FOCAD: variants seen among roughly 807,000 people sequenced by gnomAD.
FOCAD encodes focadhesin.
Under a neutral mutation model 225.6 loss-of-function variants are expected in FOCAD, and 198 were observed. That is an observed-to-expected ratio of 0.88 (90% confidence interval 0.78 to 0.99). The LOEUF is 0.99. FOCAD is among the 50% of genes least tolerant of loss of function. The probability of loss-of-function intolerance (pLI) is 0.00; values close to 1 mark genes in which losing one functional copy is unlikely to be tolerated. For synonymous variants in FOCAD, 897 were observed against 755.0 expected (o/e 1.19, Z -3.08); for missense variants, 2,713 against 2,123.6 (o/e 1.28, Z -5.46).
chr9:20,765,117 A>T, intron 7 of FOCAD, 44 bp downstream of exon 7: 1 of 1,531,952 alleles, frequency 6.5e-7, no homozygotes, highest in East Asian at 2.3e-5. Context: ...CAGCATCAGT[A>T]AGTGTTGTTA....
At chr9:20,930,858 G>A (rs1835399992) in intron 27 of FOCAD, among the ~76,000 whole-genome samples, 1 of 152,186 alleles carries the variant, frequency 6.6e-6, no homozygotes, top group Non-Finnish European at 1.5e-5. Flanking sequence ...CATATCTTGT[G>A]TGTGTGACAG....
intron 2 of FOCAD, among the ~76,000 whole-genome samples, chr9:20,667,021 C>T (rs1320678737): frequency 1.3e-5 from 2 of 152,062 alleles, no homozygotes; most frequent in African/African-American, 2.4e-5. Context: ...AGGAAAAAAG[C>T]GATTGATTTA....
intron 11 of FOCAD, among the ~76,000 whole-genome samples, chr9:20,801,211 C>G (rs1173652467): frequency 3.3e-5 from 5 of 152,004 alleles, no homozygotes; most frequent in Admixed American, 6.6e-5. Context: ...ATATATTCAT[C>G]TAAGCTAGAT....
intron 25 of FOCAD, among the ~76,000 whole-genome samples, chr9:20,925,768 A>G (rs1388058510): frequency 6.6e-6 from 1 of 152,094 alleles, no homozygotes; most frequent in Non-Finnish European, 1.5e-5. Context: ...TTCAAACTGA[A>G]GATGATTCAT....
chr9:20,985,499 C>T (rs1461996214), intron 39 of FOCAD, among the ~76,000 whole-genome samples: 1 of 152,184 alleles, frequency 6.6e-6, no homozygotes, highest in African/African-American at 2.4e-5. Context: ...TCATTTCCTT[C>T]AGTTTCAAGA....
upstream of FOCAD, among the ~76,000 whole-genome samples, chr9:20,683,130 C>A (rs901020951): frequency 6.6e-6 from 1 of 152,056 alleles, no homozygotes; most frequent in African/African-American, 2.4e-5. Flanking sequence ...AAACTGTTAA[C>A]GGTCTGTGAT....
At chr9:20,941,485 C>T (rs1191000141) in intron 28 of FOCAD, among the ~76,000 whole-genome samples, 1 of 152,128 alleles carries the variant, frequency 6.6e-6, no homozygotes, top group African/African-American at 2.4e-5. Flanking sequence ...GGATTGCCTA[C>T]AGTAAACTAG....
At position 20,740,358 on chromosome 9, in the gene FOCAD, T is replaced by A; in HGVS notation, c.392+18T>A. 7.4e-7 allele frequency: 1 copy of A among 1,351,190 alleles called. No individual in the cohort carries two copies. 83.7% of individuals were successfully genotyped at this position (1,351,190 alleles called of 1,614,324 possible). On this transcript the variant is annotated intron_variant, in intron 5 of 43. Transcript: ENST00000338382. ...ACCATTAGGTAAGCCTTTTTTCTGT[T>A]TTTTTTTTAAACAAATATGAATTTT...
intron 4 of FOCAD, among the ~76,000 whole-genome samples, chr9:20,732,296 G>A (rs781143843): frequency 1.2e-4 from 18 of 152,222 alleles, no homozygotes; most frequent in Non-Finnish European, 7.3e-5. Flanking sequence ...CTTAGTCATG[G>A]TGGTAAAAGC....
intron 21 of FOCAD, among the ~76,000 whole-genome samples, chr9:20,886,045 T>C (rs956468364): frequency 6.6e-6 from 1 of 152,228 alleles, no homozygotes; most frequent in African/African-American, 2.4e-5. Flanking sequence ...TTTATACATT[T>C]GGTTGTAATT....
chr9:20,850,689 A>G (rs1827558589), intron 15 of FOCAD, among the ~76,000 whole-genome samples: 1 of 151,662 alleles, frequency 6.6e-6, no homozygotes, highest in Non-Finnish European at 1.5e-5. Context: ...TTTATCATAT[A>G]TGATTTAATT....
intron 28 of FOCAD, among the ~76,000 whole-genome samples, chr9:20,933,964 T>A (rs1296467818): frequency 1.3e-5 from 2 of 152,178 alleles, no homozygotes; most frequent in Non-Finnish European, 2.9e-5. Flanking sequence ...ATTAGTGATG[T>A]TGAGCATTTT....
chr9:20,932,181 G>A (rs890024483), intron 27 of FOCAD, among the ~76,000 whole-genome samples: 3 of 152,128 alleles, frequency 2.0e-5, no homozygotes, highest in African/African-American at 7.2e-5. Flanking sequence ...GATATGAGGG[G>A]TGTGCGTGTG....
At chr9:20,745,606 A>G (rs752071704) in intron 5 of FOCAD, among the ~76,000 whole-genome samples, 9 of 152,094 alleles carry the variant, frequency 5.9e-5, no homozygotes, top group African/African-American at 9.7e-5. Flanking sequence ...TATTATGGCA[A>G]TCTTTTAAAG....
At chr9:20,937,523 C>A (rs1301884592) in intron 28 of FOCAD, among the ~76,000 whole-genome samples, 1 of 151,256 alleles carries the variant, frequency 6.6e-6, no homozygotes, top group African/African-American at 2.4e-5. Flanking sequence ...ACTGGCTAGC[C>A]ATATGTAGAA....
At chr9:20,717,068 G>A (rs1028189319) in intron 2 of FOCAD, among the ~76,000 whole-genome samples, 8 of 152,204 alleles carry the variant, frequency 5.3e-5, no homozygotes, top group African/African-American at 1.9e-4. Context: ...TTTACTAGGA[G>A]ATAAGAGACA....
intron 10 of FOCAD, chr9:20,786,880 A>C: frequency 3.9e-6 from 1 of 259,456 alleles, no homozygotes; most frequent in Non-Finnish European, 7.8e-6. Context: ...CATAACATAA[A>C]CCTTTTATTT....
At chr9:20,694,270 A>G (rs1823164698) in intron 1 of FOCAD, among the ~76,000 whole-genome samples, 1 of 152,218 alleles carries the variant, frequency 6.6e-6, no homozygotes, top group Admixed American at 6.6e-5. Flanking sequence ...CCACCTCCAC[A>G]TATCTTACTG....
chr9:20,946,307 A>G (rs1217651091), intron 29 of FOCAD, among the ~76,000 whole-genome samples: 1 of 152,124 alleles, frequency 6.6e-6, no homozygotes, highest in Non-Finnish European at 1.5e-5. Flanking sequence ...TTGGATGGGA[A>G]TGCATGGCAA....
Sources: allele counts gnomAD v4.1 joint callset (sites outside exome capture counted in the v4.1 genomes callset), GRCh38; gene constraint gnomAD v4.1.1; transcripts MANE v1.5; gene names NCBI Gene and HGNC (gene_info 2026-07-23, HGNC 2026-07-21).